Variants in CCNH observed in about 807,000 individuals in gnomAD.
CCNH encodes the protein cyclin-H.
In CCNH, 31 loss-of-function variants were observed where a neutral mutation model predicts 41.9. The ratio of observed to expected loss-of-function variants is 0.74; its 90% CI spans 0.56 to 1.00. The LOEUF (loss-of-function observed/expected upper bound fraction) is 1.00, where lower values mean the gene tolerates loss of function less well. CCNH is among the 50% of genes least tolerant of loss of function. CCNH has a pLI of 0.00. For synonymous variants in CCNH, 138 were observed against 136.1 expected, an observed-to-expected ratio of 1.01 and a Z score of -0.10; for missense variants, 362 against 388.4, an observed-to-expected ratio of 0.93 and a Z score of 0.57.
chr5:87,325,861 A>G (rs1280813779), intron 9 of CCNH, among the ~76,000 whole-genome samples: 2 of 152,142 alleles, frequency 1.3e-5, no homozygotes, highest in African/African-American at 2.4e-5. Flanking sequence ...ATATTTTCTC[A>G]TTGCACAAAT....
At chr5:87,344,781 A>C (rs1758732503) in intron 9 of CCNH, among the ~76,000 whole-genome samples, 1 of 151,294 alleles carries the variant, frequency 6.6e-6, no homozygotes, top group South Asian at 2.1e-4. Context: ...GGCCTTCCAA[A>C]GTGTTGGGAT....
chr5:87,412,583 C>T (rs2112589321), intron 1 of CCNH, 95 bp downstream of exon 1: 4 of 1,520,184 alleles, frequency 2.6e-6, no homozygotes, highest in Non-Finnish European at 2.7e-6. Context: ...GGCAGAGAAA[C>T]GACGGAGCGA....
rs975191415 is a variant in CCNH, at chr5:87,353,182, C to A, written c.*91-34285G>T. On this transcript the variant is annotated intron_variant and NMD_transcript_variant, in intron 9 of 9. Transcript: ENST00000645953. The stretch of plus-strand genomic sequence containing the variant: ...CATTGGGGACATCATAGATCACTAT[C>A]GAAAAGAACAGATTGTTGAAGGATA... The A allele has an allele frequency of 4.3e-6, 7 of 1,610,270 alleles. No individual in the cohort carries two copies. The highest frequency in any genetic ancestry group is 1.1e-5 in the South Asian group (1 of 90,994).
At chr5:87,389,395 T>G (rs780133715), downstream of CCNH, 1 of 1,614,094 alleles carries the variant, frequency 6.2e-7, no homozygotes, top group Non-Finnish European at 8.5e-7. Flanking sequence ...CCTTAAAGAA[T>G]GTACCTGAAC....
downstream of CCNH, chr5:87,390,875 G>C: frequency 6.2e-7 from 1 of 1,610,814 alleles, no homozygotes. Context: ...AACCAATGAT[G>C]TCAGGTAGCA....
downstream of CCNH, among the ~76,000 whole-genome samples, chr5:87,388,873 C>T (rs1290039538): frequency 2.0e-5 from 3 of 152,032 alleles, no homozygotes; most frequent in Non-Finnish European, 4.4e-5. Flanking sequence ...CACTATTTGG[C>T]ATATGTTCTA....
intron 9 of CCNH, among the ~76,000 whole-genome samples, chr5:87,367,216 A>G (rs1161928019): frequency 1.3e-5 from 2 of 152,242 alleles, no homozygotes; most frequent in Non-Finnish European, 1.5e-5. Flanking sequence ...TCTGTACCAT[A>G]TAATAGGACA....
intron 9 of CCNH, among the ~76,000 whole-genome samples, chr5:87,319,528 C>G (rs992951512): frequency 1.9e-4 from 29 of 152,364 alleles, no homozygotes; most frequent in Admixed American, 1.8e-3. Flanking sequence ...TGGCTTGCAC[C>G]CTCTGAAGCC....
chr5:87,331,068 C>A, intron 9 of CCNH: 3 of 1,091,630 alleles, frequency 2.7e-6, no homozygotes, highest in Non-Finnish European at 3.8e-6. Flanking sequence ...TTTTGAATAG[C>A]AGGCAATCCT....
At chr5:87,395,020 G>C in intron 8 of CCNH, 24 bp downstream of exon 8, 1 of 1,610,378 alleles carries the variant, frequency 6.2e-7, no homozygotes, top group African/African-American at 1.3e-5. Flanking sequence ...ATAACTTAGA[G>C]TTCATCTTTG....
downstream of CCNH, chr5:87,390,902 T>A: frequency 6.3e-7 from 1 of 1,586,782 alleles, no homozygotes; most frequent in Non-Finnish European, 8.7e-7. Context: ...GCCCCAGTGT[T>A]CTGCATGGAT....
chr5:87,385,569 T>C (rs1762007708), intron 9 of CCNH, among the ~76,000 whole-genome samples: 2 of 152,110 alleles, frequency 1.3e-5, no homozygotes, highest in South Asian at 4.1e-4. Flanking sequence ...ATAGTGGAAC[T>C]TTAAAAAACA....
rs761675040 is a variant in CCNH at position 87,409,359 on chromosome 5, G to A, written c.245C>T (p.Thr82Met). 18 of 1,540,484 alleles carry A rather than the reference G, an allele frequency of 1.2e-5. No homozygotes were observed. The highest frequency in any genetic ancestry group is 4.1e-5 in the African/African-American group (3 of 73,292). Residue 82 changes from threonine (T) to methionine (M), a missense_variant, in exon 3 of 9, where the codon ACG (threonine) becomes ATG (methionine). Coordinates refer to ENST00000256897, the MANE Select transcript of CCNH (RefSeq NM_001239.4). ...KPAMPRSVVG[T>M]ACMYFKRFYL... ...AAAACGTTTGAAATACATACAAGCC[G>A]TACCCTAAGGGTTAAAAAAAATATA...
At chr5:87,340,695 T>C (rs1377160509) in intron 9 of CCNH, among the ~76,000 whole-genome samples, 2 of 152,130 alleles carry the variant, frequency 1.3e-5, no homozygotes, top group African/African-American at 4.8e-5. Context: ...TCAGAATGTC[T>C]TACTGAAGAG....
At chr5:87,390,779 T>TA, downstream of CCNH, 1 of 1,591,284 alleles carries the variant, frequency 6.3e-7, no homozygotes, top group Non-Finnish European at 8.6e-7. Flanking sequence ...TTTATTTTCA[T>TA]ACCATTTTTC....
chr5:87,338,536 A>ATATATATATATATATATATATTT, intron 9 of CCNH, among the ~76,000 whole-genome samples: 10 of 85,212 alleles, frequency 1.2e-4, no homozygotes, highest in South Asian at 3.9e-4. Flanking sequence ...TATATATAAA[A>ATATATATATATATATATATATTT]TTTTTTTTTT....
chr5:87,412,306 G>T, intron 1 of CCNH: 1 of 601,788 alleles, frequency 1.7e-6, no homozygotes, highest in Non-Finnish European at 2.2e-6. Context: ...CACTCTGAAC[G>T]GTGGTTCTGA....
chr5:87,322,132 A>G (rs1016784088), intron 9 of CCNH, among the ~76,000 whole-genome samples: 4 of 152,058 alleles, frequency 2.6e-5, no homozygotes, highest in Non-Finnish European at 1.5e-5. Flanking sequence ...CCCTGTGGTA[A>G]TGAGTTCAAG....
At chr5:87,388,448 G>A (rs1395630852), downstream of CCNH, among the ~76,000 whole-genome samples, 3 of 152,146 alleles carry the variant, frequency 2.0e-5, no homozygotes, top group South Asian at 6.2e-4. Context: ...TCCAAAACTT[G>A]TTGAGCACCA....
Sources: allele counts gnomAD v4.1 joint callset (sites outside exome capture counted in the v4.1 genomes callset), GRCh38; gene constraint gnomAD v4.1.1; transcripts MANE v1.5; gene names NCBI Gene and HGNC (gene_info 2026-07-23, HGNC 2026-07-21).